CADPS2: variants seen among roughly 807,000 people sequenced by gnomAD.
CADPS2 encodes calcium-dependent secretion activator 2.
A neutral mutation model predicts 172.5 loss-of-function variants in CADPS2; 93 were observed. The ratio of observed to expected loss-of-function variants is 0.54; its 90% confidence interval spans 0.46 to 0.64. CADPS2 has a LOEUF of 0.64. Ranked by LOEUF, CADPS2 falls within the 30% of genes least tolerant of loss-of-function variation. The pLI is 0.00. For synonymous variants in CADPS2, 546 were observed against 555.2 expected (o/e 0.98, Z 0.23); for missense variants, 1,420 against 1,565.9 (o/e 0.91, Z 1.57).
chr7:122,491,663 T>C (rs1206716013), intron 9 of CADPS2, among the ~76,000 whole-genome samples: 1 of 152,146 alleles, frequency 6.6e-6, no homozygotes, highest in African/African-American at 2.4e-5. Context: ...GATTTGGTGC[T>C]CAAGCTTCTA....
At chr7:122,873,457 G>C (rs1820353442) in intron 1 of CADPS2, among the ~76,000 whole-genome samples, 1 of 152,134 alleles carries the variant, frequency 6.6e-6, no homozygotes, top group African/African-American at 2.4e-5. Flanking sequence ...TGCTGAGGAT[G>C]ATGGTTTTCA....
chr7:122,414,956 T>G (rs2047713203), intron 18 of CADPS2, among the ~76,000 whole-genome samples: 1 of 152,208 alleles, frequency 6.6e-6, no homozygotes, highest in Non-Finnish European at 1.5e-5. Context: ...ATTTATTATA[T>G]TTATTTAATG....
chr7:122,826,627 G>GA (rs142862670), intron 1 of CADPS2, among the ~76,000 whole-genome samples: 2,459 of 149,942 alleles, frequency 0.016, 63 homozygotes, highest in African/African-American at 0.056. Context: ...AATTTATGAA[G>GA]AAAAAAAAAT....
chr7:122,816,415 G>A (rs1801427206), intron 1 of CADPS2, among the ~76,000 whole-genome samples: 1 of 152,050 alleles, frequency 6.6e-6, no homozygotes, highest in Admixed American at 6.6e-5. Context: ...GGGTACATGT[G>A]CACATTTTCT....
At chr7:122,501,484 C>A (rs565482082) in intron 9 of CADPS2, among the ~76,000 whole-genome samples, 1 of 152,048 alleles carries the variant, frequency 6.6e-6, no homozygotes, top group Non-Finnish European at 1.5e-5. Context: ...AAGGTCTGGG[C>A]CTTTGAGATT....
At chr7:122,412,122 T>C (rs2047389109) in intron 19 of CADPS2, among the ~76,000 whole-genome samples, 1 of 152,224 alleles carries the variant, frequency 6.6e-6, no homozygotes, top group Admixed American at 6.5e-5. Context: ...TACTTGATGG[T>C]CATCCTCTTC....
chr7:122,447,029 C>CT (rs2052324711), intron 15 of CADPS2, among the ~76,000 whole-genome samples: 1 of 124,552 alleles, frequency 8.0e-6, no homozygotes, highest in African/African-American at 3.1e-5. Context: ...AAGTAGCTCC[C>CT]TCTTTTTTTT....
intron 16 of CADPS2, chr7:122,440,215 C>G (rs558324385): frequency 2.2e-4 from 34 of 152,224 alleles, no homozygotes; most frequent in Admixed American, 1.6e-3. Context: ...ATCCTGCCAC[C>G]TGTCAATGGA....
intron 17 of CADPS2, among the ~76,000 whole-genome samples, chr7:122,425,424 C>T (rs2049037960): frequency 9.9e-6 from 1 of 100,622 alleles, no homozygotes; most frequent in East Asian, 2.9e-4. Context: ...CCTATCTCTA[C>T]CAAAAAAAAA....
At chr7:122,366,727 A>G (rs2040962750) in intron 25 of CADPS2, 1 of 149,834 alleles carries the variant, frequency 6.7e-6, no homozygotes, top group Admixed American at 6.7e-5. Context: ...ACACACATAT[A>G]TGTATAATAA....
At chr7:122,424,837 G>A (rs1456338725) in intron 17 of CADPS2, among the ~76,000 whole-genome samples, 1 of 151,682 alleles carries the variant, frequency 6.6e-6, no homozygotes, top group Non-Finnish European at 1.5e-5. Context: ...AGACTGTGAA[G>A]GCTTGAGGGA....
chr7:122,758,125 A>T (rs1383724883), intron 1 of CADPS2, among the ~76,000 whole-genome samples: 1 of 152,208 alleles, frequency 6.6e-6, no homozygotes, highest in Admixed American at 6.5e-5. Context: ...ATTTTTAGAT[A>T]CTATCTTGAT....
chr7:122,476,024 A>T (rs905315783), intron 12 of CADPS2, among the ~76,000 whole-genome samples: 1 of 152,160 alleles, frequency 6.6e-6, no homozygotes, highest in African/African-American at 2.4e-5. Flanking sequence ...AAAGTTAAAT[A>T]TATGATAATG....
chr7:122,448,660 AG>A (rs1468928575), intron 15 of CADPS2, among the ~76,000 whole-genome samples: 4 of 152,120 alleles, frequency 2.6e-5, no homozygotes, highest in Admixed American at 6.6e-5. Flanking sequence ...GGCTCTGATT[AG>A]TCTAACTCAA....
chr7:122,401,338 GTATT>G (rs2045927892), intron 20 of CADPS2, among the ~76,000 whole-genome samples: 3 of 152,148 alleles, frequency 2.0e-5, no homozygotes, highest in South Asian at 2.1e-4. Context: ...CAGCACCGTG[GTATT>G]TTTCAGTTGG....
chr7:122,338,725 ACTG>A (rs971158747), intron 28 of CADPS2, among the ~76,000 whole-genome samples: 1 of 152,080 alleles, frequency 6.6e-6, no homozygotes, highest in African/African-American at 2.4e-5. Context: ...AAAGAGGAAA[ACTG>A]CTATTTTAAA....
rs759031505 is a variant in CADPS2, at chr7:122,393,207, T to G, written c.2997A>C (p.Leu999Phe). The change falls in exon 22 of 30, where the codon TTA becomes TTC. Residue 999 changes from leucine (L) to phenylalanine (F), a missense_variant. Coordinates refer to ENST00000449022, the MANE Select transcript of CADPS2 (RefSeq NM_017954.11). Reference sequence around the variant, plus strand: ...TGAGGAATACACACGTGGACTCATATAAAGAAGGCATCCACGAAGCAGTAG... The same window carrying G: ...TGAGGAATACACACGTGGACTCATAGAAAGAAGGCATCCACGAAGCAGTAG... ...NISTASWMPS[L>F]YESTNGSATS... The G allele has an allele frequency of 1.4e-5, 23 of 1,613,536 alleles. No individual in the cohort carries two copies. The South Asian group carries it at 2.5e-4, about 18-fold the overall frequency.
intron 25 of CADPS2, among the ~76,000 whole-genome samples, chr7:122,372,926 A>G (rs1367666866): frequency 6.6e-6 from 1 of 152,210 alleles, no homozygotes; most frequent in Admixed American, 6.5e-5. Context: ...TCAGTTTAAT[A>G]AAGGACTTTG....
At chr7:122,405,525 T>C (rs1585696283) in intron 20 of CADPS2, among the ~76,000 whole-genome samples, 1 of 152,068 alleles carries the variant, frequency 6.6e-6, no homozygotes, top group South Asian at 2.1e-4. Flanking sequence ...TAGCTGGGTG[T>C]GGTGGTGCAC....
Sources: allele counts gnomAD v4.1 joint callset (sites outside exome capture counted in the v4.1 genomes callset), GRCh38; gene constraint gnomAD v4.1.1; transcripts MANE v1.5; gene names NCBI Gene and HGNC (gene_info 2026-07-23, HGNC 2026-07-21).